CTNNA3: variants seen among roughly 807,000 people sequenced by gnomAD.
CTNNA3 encodes the protein catenin alpha 3.
A neutral mutation model predicts 95.7 loss-of-function variants in CTNNA3; 76 were observed. That is an observed-to-expected ratio of 0.79 (90% confidence interval 0.66 to 0.96). The LOEUF is 0.96. CTNNA3 is among the 40% of genes least tolerant of loss of function. The probability of loss-of-function intolerance (pLI) is 0.00; values close to 1 mark genes in which losing one functional copy is unlikely to be tolerated. For missense variants in CTNNA3, 1,191 were observed against 1,089.8 expected, an observed-to-expected ratio of 1.09 and a Z score of -1.31; for synonymous variants, 431 against 374.4, an observed-to-expected ratio of 1.15 and a Z score of -1.74.
intron 9 of CTNNA3, among the ~76,000 whole-genome samples, chr10:66,676,799 G>A (rs975457651): frequency 9.2e-5 from 14 of 152,128 alleles, no homozygotes; most frequent in African/African-American, 2.7e-4. Context: ...GGAGTTTAGA[G>A]TCAATAGTTA....
intron 13 of CTNNA3, among the ~76,000 whole-genome samples, chr10:66,139,746 T>G (rs1475994104): frequency 6.6e-6 from 1 of 152,176 alleles, no homozygotes; most frequent in Non-Finnish European, 1.5e-5. Context: ...CTGCAAGCAT[T>G]ATACAGCTCT....
chr10:67,733,025 C>G (rs923895526), intron 1 of CTNNA3, among the ~76,000 whole-genome samples: 2 of 152,060 alleles, frequency 1.3e-5, no homozygotes, highest in Non-Finnish European at 2.9e-5. Context: ...AAAATCCACA[C>G]AGATGTGAAT....
At chr10:67,253,107 A>T (rs1866172957) in intron 5 of CTNNA3, among the ~76,000 whole-genome samples, 1 of 152,098 alleles carries the variant, frequency 6.6e-6, no homozygotes. Context: ...CAGCATCACT[A>T]CTCTTGTGCT....
At chr10:66,386,938 A>C (rs2092898063) in intron 11 of CTNNA3, among the ~76,000 whole-genome samples, 1 of 152,212 alleles carries the variant, frequency 6.6e-6, no homozygotes, top group African/African-American at 2.4e-5. Flanking sequence ...CTTGTACAAA[A>C]ATTAATTCAA....
Position 66,949,892 on chromosome 10 carries a change from T to A in CTNNA3, c.1048-174368A>T, listed in dbSNP as rs145559776. ...AACTATGAAATGGAAAAGCTCTAGA[T>A]TTCTGAGTGGTTCAGAATCACGGGC... On this transcript the variant is annotated intron_variant, in intron 7 of 17. Transcript: ENST00000433211. 1.7e-3 allele frequency among the ~76,000 whole-genome samples: 257 copies of A among 152,320 alleles called. 2 individuals carry two copies. The highest frequency in any genetic ancestry group is 3.1e-3 in the Non-Finnish European group (208 of 68,030).
At chr10:66,709,934 A>C (rs759424342) in intron 9 of CTNNA3, among the ~76,000 whole-genome samples, 1 of 152,186 alleles carries the variant, frequency 6.6e-6, no homozygotes. Flanking sequence ...AAATGCTATT[A>C]GAAATTAAGA....
chr10:66,738,218 G>A (rs1168410790), intron 9 of CTNNA3, among the ~76,000 whole-genome samples: 2 of 152,136 alleles, frequency 1.3e-5, no homozygotes, highest in African/African-American at 4.8e-5. Context: ...TCTACAAATT[G>A]CATCTTTGTT....
At chr10:66,107,771 A>T (rs560589473) in intron 13 of CTNNA3, among the ~76,000 whole-genome samples, 1 of 152,202 alleles carries the variant, frequency 6.6e-6, no homozygotes, top group Non-Finnish European at 1.5e-5. Context: ...ATATTAAAAT[A>T]CAAAAAAGAA....
intron 15 of CTNNA3, among the ~76,000 whole-genome samples, chr10:66,059,047 A>G (rs535167868): frequency 6.6e-6 from 1 of 151,498 alleles, no homozygotes; most frequent in South Asian, 2.1e-4. Context: ...AGGTTGGCCC[A>G]TTACCAGACA....
intron 7 of CTNNA3, among the ~76,000 whole-genome samples, chr10:66,796,118 C>A (rs576805606): frequency 6.6e-6 from 1 of 152,108 alleles, no homozygotes; most frequent in Non-Finnish European, 1.5e-5. Context: ...AAGAACATTT[C>A]CTTTGCATGC....
intron 5 of CTNNA3, among the ~76,000 whole-genome samples, chr10:67,260,694 G>GT (rs1866569889): frequency 6.9e-6 from 1 of 144,832 alleles, no homozygotes; most frequent in Admixed American, 6.8e-5. Flanking sequence ...TTTTTTTTTT[G>GT]TTTTTTTGAG....
rs142524719 is a variant in CTNNA3, at chr10:66,343,231, T to C, written c.1732+35921A>G. On this transcript the variant is annotated intron_variant, in intron 12 of 17. Coordinates refer to ENST00000433211, the MANE Select transcript of CTNNA3 (RefSeq NM_013266.4). ...CAGCAATCCTGGTACTGGTAATTTA[T>C]CCAAAAGAAATTAAATCATTATATC... 5.8e-3 allele frequency among the ~76,000 whole-genome samples: 888 copies of C among 152,098 alleles called. 6 individuals are homozygous for C. Among genetic ancestry groups the C allele is most frequent in the African/African-American group, 0.02 (835 of 41,514 alleles).
intron 3 of CTNNA3, among the ~76,000 whole-genome samples, chr10:67,557,786 G>C (rs142391037): frequency 1.3e-5 from 2 of 152,144 alleles, no homozygotes; most frequent in African/African-American, 4.8e-5. Context: ...CATCAACCAA[G>C]AACAACTTCT....
intron 11 of CTNNA3, among the ~76,000 whole-genome samples, chr10:66,485,107 A>T (rs894053896): frequency 2.6e-5 from 4 of 152,128 alleles, no homozygotes; most frequent in Admixed American, 1.3e-4. Flanking sequence ...GGCCATATAA[A>T]AGAAGCCCAC....
intron 9 of CTNNA3, among the ~76,000 whole-genome samples, chr10:66,675,985 C>G (rs779686277): frequency 5.3e-5 from 8 of 152,036 alleles, no homozygotes; most frequent in Non-Finnish European, 1.0e-4. Flanking sequence ...GGTCTCAGAG[C>G]TATTGTTTAC....
chr10:66,879,252 C>A (rs575895678), intron 7 of CTNNA3, among the ~76,000 whole-genome samples: 4 of 152,176 alleles, frequency 2.6e-5, no homozygotes, highest in African/African-American at 9.6e-5. Flanking sequence ...CTACTATGAA[C>A]CATGAACTTG....
intron 6 of CTNNA3, among the ~76,000 whole-genome samples, chr10:67,183,249 T>C (rs1312363376): frequency 6.6e-6 from 1 of 152,182 alleles, no homozygotes; most frequent in Non-Finnish European, 1.5e-5. Context: ...TGTATGTTTA[T>C]TGCGGCACTA....
chr10:67,115,570 CTT>C (rs1374942043), intron 7 of CTNNA3, among the ~76,000 whole-genome samples: 1 of 151,850 alleles, frequency 6.6e-6, no homozygotes, highest in Admixed American at 6.6e-5. Context: ...GAATTTCAGA[CTT>C]GAGTAATTCT....
intron 9 of CTNNA3, among the ~76,000 whole-genome samples, chr10:66,683,537 C>T (rs929307057): frequency 1.3e-5 from 2 of 152,032 alleles, no homozygotes; most frequent in African/African-American, 2.4e-5. Flanking sequence ...TCAGTAGTAG[C>T]AAAGTGAACC....
Sources: gnomAD v4.1 joint callset for allele counts (sites outside exome capture counted in the v4.1 genomes callset) on GRCh38, gnomAD v4.1.1 for gene constraint, MANE v1.5 for transcripts, NCBI Gene and HGNC (gene_info 2026-07-23, HGNC 2026-07-21) for gene names.